Variants in FHIT observed in about 807,000 individuals in gnomAD.
FHIT encodes bis(5'-adenosyl)-triphosphatase.
A neutral mutation model predicts 17.9 loss-of-function variants in FHIT; 19 were observed. The ratio of observed to expected loss-of-function variants is 1.06; its 90% confidence interval spans 0.74 to 1.56. The LOEUF (loss-of-function observed/expected upper bound fraction) is 1.56, where lower values mean the gene tolerates loss of function less well. Ranked by LOEUF, FHIT falls within the 40% of genes most tolerant of loss-of-function variation. FHIT has a pLI of 0.00. For missense variants in FHIT, 248 were observed against 189.2 expected, an observed-to-expected ratio of 1.31 and a Z score of -1.82; for synonymous variants, 81 against 69.7, an observed-to-expected ratio of 1.16 and a Z score of -0.81.
intron 5 of FHIT, among the ~76,000 whole-genome samples, chr3:60,201,388 C>G (rs896560257): frequency 6.6e-6 from 1 of 151,962 alleles, no homozygotes; most frequent in Non-Finnish European, 1.5e-5. Context: ...ACTATACTGC[C>G]CAGGCTGGCC....
intron 2 of FHIT, among the ~76,000 whole-genome samples, chr3:61,180,672 T>C (rs1176486395): frequency 6.6e-6 from 1 of 152,198 alleles, no homozygotes; most frequent in East Asian, 1.9e-4. Context: ...CCTCAAAAAA[T>C]AAGTTGATTC....
intron 5 of FHIT, among the ~76,000 whole-genome samples, chr3:60,143,118 C>T (rs17062350): frequency 0.37 from 56,720 of 151,972 alleles, 11,843 homozygotes; most frequent in African/African-American, 0.56. Context: ...AGAGAGAGTA[C>T]AGTGATTTTG....
At chr3:60,593,360 T>C (rs1276559907) in intron 4 of FHIT, among the ~76,000 whole-genome samples, 1 of 152,164 alleles carries the variant, frequency 6.6e-6, no homozygotes, top group African/African-American at 2.4e-5. Flanking sequence ...GACACTTCTC[T>C]ATAATAATTT....
chr3:60,649,982 A>G (rs2107805151), intron 4 of FHIT, among the ~76,000 whole-genome samples: 1 of 152,306 alleles, frequency 6.6e-6, no homozygotes, highest in Non-Finnish European at 1.5e-5. Flanking sequence ...CCAACTGGGT[A>G]CATCTTCTCA....
chr3:61,235,279 A>T (rs1487717108), intron 1 of FHIT, among the ~76,000 whole-genome samples: 1 of 152,174 alleles, frequency 6.6e-6, no homozygotes, highest in Admixed American at 6.5e-5. Flanking sequence ...GGTGTCCTTG[A>T]GCCCTTGTTT....
intron 8 of FHIT, among the ~76,000 whole-genome samples, chr3:59,862,856 T>C (rs573275081): frequency 6.8e-6 from 1 of 147,790 alleles, no homozygotes; most frequent in East Asian, 2.0e-4. Flanking sequence ...GGAGCCTGGG[T>C]ACTTACTCAC....
intron 5 of FHIT, among the ~76,000 whole-genome samples, chr3:60,500,624 T>A (rs1553635446): frequency 6.8e-6 from 1 of 148,022 alleles, no homozygotes; most frequent in African/African-American, 2.5e-5. Flanking sequence ...ACAAAAAAAA[T>A]TAGTAGGGTG....
intron 4 of FHIT, among the ~76,000 whole-genome samples, chr3:60,720,621 T>C (rs1377501575): frequency 6.6e-6 from 1 of 152,176 alleles, no homozygotes; most frequent in African/African-American, 2.4e-5. Context: ...CAGGCTCTGC[T>C]GCAGACCAAT....
At chr3:60,747,476 A>C (rs1336039303) in intron 4 of FHIT, among the ~76,000 whole-genome samples, 1 of 152,200 alleles carries the variant, frequency 6.6e-6, no homozygotes. Context: ...ATGCCCAATA[A>C]ATTTTTGCTG....
At chr3:60,959,962 G>C (rs1709340166) in intron 3 of FHIT, among the ~76,000 whole-genome samples, 2 of 151,344 alleles carry the variant, frequency 1.3e-5, no homozygotes, top group Non-Finnish European at 2.9e-5. Flanking sequence ...AATCCCTATA[G>C]ACAAAGCAAA....
chr3:60,868,545 C>A (rs972347061), intron 3 of FHIT, among the ~76,000 whole-genome samples: 3 of 152,152 alleles, frequency 2.0e-5, no homozygotes, highest in Non-Finnish European at 2.9e-5. Flanking sequence ...CTTTCTCATA[C>A]AATCAGAGCT....
intron 3 of FHIT, among the ~76,000 whole-genome samples, chr3:60,934,919 C>T (rs1378782021): frequency 1.3e-5 from 2 of 152,066 alleles, no homozygotes; most frequent in Non-Finnish European, 2.9e-5. Context: ...AACACTGCAC[C>T]CCGGAAAGTG....
intron 3 of FHIT, among the ~76,000 whole-genome samples, chr3:60,937,745 G>A (rs1708254254): frequency 6.6e-6 from 1 of 151,822 alleles, no homozygotes; most frequent in Admixed American, 6.6e-5. Flanking sequence ...TGTATTTTTA[G>A]TAGAGATGGG....
intron 5 of FHIT, among the ~76,000 whole-genome samples, chr3:60,286,270 T>G (rs1707725027): frequency 6.6e-6 from 1 of 152,218 alleles, no homozygotes; most frequent in African/African-American, 2.4e-5. Context: ...TTTGACTATT[T>G]TTCTATTGTA....
intron 4 of FHIT, among the ~76,000 whole-genome samples, chr3:60,702,102 A>T (rs540933843): frequency 8.5e-5 from 13 of 152,192 alleles, no homozygotes; most frequent in African/African-American, 2.6e-4. Context: ...GGGCTCAAGC[A>T]CTCTGCCCAT....
intron 5 of FHIT, among the ~76,000 whole-genome samples, chr3:60,124,460 A>G (rs1273370621): frequency 6.6e-6 from 1 of 152,102 alleles, no homozygotes; most frequent in Non-Finnish European, 1.5e-5. Context: ...CTATTCTTAT[A>G]ACACAGCCCA....
chr3:61,085,926 T>G (rs1390503727), intron 2 of FHIT, among the ~76,000 whole-genome samples: 2 of 152,210 alleles, frequency 1.3e-5, no homozygotes, highest in African/African-American at 4.8e-5. Flanking sequence ...TGGTATCTTT[T>G]TAAAATTTCA....
At chr3:60,243,894 T>C (rs1286759356) in intron 5 of FHIT, among the ~76,000 whole-genome samples, 3 of 152,124 alleles carry the variant, frequency 2.0e-5, no homozygotes, top group Non-Finnish European at 4.4e-5. Flanking sequence ...CTCTAAATTA[T>C]GTTCTGTAAG....
intron 5 of FHIT, among the ~76,000 whole-genome samples, chr3:60,414,623 T>C (rs920953001): frequency 6.6e-6 from 1 of 152,186 alleles, no homozygotes; most frequent in African/African-American, 2.4e-5. Context: ...TTACAAAGCA[T>C]TGCTATATTA....
Sources: gnomAD v4.1 joint callset for allele counts (sites outside exome capture counted in the v4.1 genomes callset) on GRCh38, gnomAD v4.1.1 for gene constraint, MANE v1.5 for transcripts, NCBI Gene and HGNC (gene_info 2026-07-23, HGNC 2026-07-21) for gene names.